The following DESI1 variants were observed in gnomAD, a reference collection of about 807,000 sequenced individuals.
DESI1 encodes the protein PPPDE peptidase domain containing 2.
DESI1 carries 17 observed loss-of-function variants against 22.4 expected under a neutral mutation model. That is an observed-to-expected ratio of 0.76 (90% confidence interval 0.52 to 1.14). The LOEUF (loss-of-function observed/expected upper bound fraction) is 1.14, where lower values mean the gene tolerates loss of function less well. Ranked by LOEUF, DESI1 falls within the 50% of genes most tolerant of loss-of-function variation. The pLI, the probability that DESI1 is intolerant of heterozygous loss-of-function variation, is 0.00. For missense variants in DESI1, 177 were observed against 208.9 expected (o/e 0.85, Z 0.94); for synonymous variants, 92 against 84.2 (o/e 1.09, Z -0.51).
chr22:41,600,956 G>C lies in DESI1; in HGVS notation c.*141C>G, dbSNP rs545369357. The C allele has an allele frequency of 8.1e-6, 6 of 741,936 alleles. No homozygotes were observed. The South Asian group carries it at 1.0e-4, about 12-fold the overall frequency. The allele number at this position is 741,936 out of a possible 1,614,324, so 46.0% of individuals were successfully genotyped here. On this transcript the variant is annotated 3_prime_UTR_variant, in exon 6 of 6. Transcript: ENST00000263256. ...CAGCATTGTCTACATGCGGCCTGAC[G>C]GTCTCCTTCCCTGGGAAATTTAAAA...
chr22:41,601,515 A>C (rs1300645350), intron 5 of DESI1, among the ~76,000 whole-genome samples: 1 of 152,178 alleles, frequency 6.6e-6, no homozygotes, highest in Non-Finnish European at 1.5e-5. Context: ...TCTGTGCTCT[A>C]TGTGCTTGTG....
intron 3 of DESI1, among the ~76,000 whole-genome samples, chr22:41,605,057 GACAGA>G (rs1348100126): frequency 1.3e-5 from 2 of 152,164 alleles, no homozygotes; most frequent in Non-Finnish European, 2.9e-5. Context: ...TCATCATGAG[GACAGA>G]ACAGGACAAC....
chr22:41,620,708 GCCTGGCTCCCGC>G, intron 1 of DESI1, 32 bp downstream of exon 1: 1 of 1,565,916 alleles, frequency 6.4e-7, no homozygotes, highest in Non-Finnish European at 8.7e-7. Flanking sequence ...CCACCCTCTG[GCCTGGCTCCCGC>G]CCTCCTGCCC....
intron 1 of DESI1, among the ~76,000 whole-genome samples, chr22:41,610,080 T>TA (rs71184819): frequency 1.1e-3 from 129 of 115,600 alleles, no homozygotes; most frequent in Middle Eastern, 5.9e-3. Flanking sequence ...AACTCTATCT[T>TA]AAAAAAAAAA....
chr22:41,608,931 C>T (rs986074354), intron 1 of DESI1, among the ~76,000 whole-genome samples: 11 of 152,158 alleles, frequency 7.2e-5, no homozygotes, highest in Non-Finnish European at 1.5e-5. Context: ...CTGCTACCTT[C>T]GCTGTTTGCC....
chr22:41,607,694 C>G, intron 2 of DESI1, 146 bp downstream of exon 2: 4 of 962,740 alleles, frequency 4.2e-6, no homozygotes, highest in Non-Finnish European at 6.4e-6. Context: ...AGCAAAAGAA[C>G]TGATGAGAAG....
At chr22:41,603,095 G>C in intron 5 of DESI1, 164 bp downstream of exon 5, 1 of 1,015,862 alleles carries the variant, frequency 9.8e-7, no homozygotes, top group Non-Finnish European at 1.4e-6. Context: ...ATACAGGTGC[G>C]CATCAGTGGG....
chr22:41,608,767 A>G (rs2067497669), intron 1 of DESI1, among the ~76,000 whole-genome samples: 2 of 152,136 alleles, frequency 1.3e-5, no homozygotes, highest in Non-Finnish European at 2.9e-5. Flanking sequence ...AGAGCAGACC[A>G]AGCAGACCAT....
chr22:41,614,765 A>G (rs1418942245), intron 1 of DESI1, among the ~76,000 whole-genome samples: 1 of 150,896 alleles, frequency 6.6e-6, no homozygotes, highest in Non-Finnish European at 1.5e-5. Context: ...TTGTATTTTT[A>G]GTAGAGATGG....
chr22:41,604,247 T>C (rs1246004880), intron 3 of DESI1, 94 bp from the exon 4 acceptor site: 8 of 774,512 alleles, frequency 1.0e-5, no homozygotes, highest in African/African-American at 1.9e-5. Flanking sequence ...CACTCTGTTC[T>C]GACTTTTTTT....
intron 1 of DESI1, among the ~76,000 whole-genome samples, chr22:41,611,891 CCT>C (rs1337340971): frequency 6.6e-6 from 1 of 152,036 alleles, no homozygotes; most frequent in Non-Finnish European, 1.5e-5. Context: ...GCGCCTGGCC[CCT>C]GTTCCTTTCA....
At chr22:41,609,940 C>T (rs2067506686) in intron 1 of DESI1, among the ~76,000 whole-genome samples, 1 of 150,446 alleles carries the variant, frequency 6.6e-6, no homozygotes. Context: ...ATTAGCCGGG[C>T]ATGGTAGTGC....
At chr22:41,609,591 C>T (rs2067504051) in intron 1 of DESI1, among the ~76,000 whole-genome samples, 1 of 151,000 alleles carries the variant, frequency 6.6e-6, no homozygotes, top group Non-Finnish European at 1.5e-5. Context: ...GCCAGGAGTT[C>T]AAGACCAGCC....
chr22:41,607,725 A>G (rs1011161173), intron 2 of DESI1, 115 bp downstream of exon 2: 1 of 1,246,490 alleles, frequency 8.0e-7, no homozygotes, highest in Non-Finnish European at 1.2e-6. Context: ...GGGCTTGAAG[A>G]TTTATAGCAT....
At chr22:41,616,332 G>A (rs1359687680) in intron 1 of DESI1, among the ~76,000 whole-genome samples, 1 of 152,180 alleles carries the variant, frequency 6.6e-6, no homozygotes, top group African/African-American at 2.4e-5. Flanking sequence ...AAAGAATTGA[G>A]TATAGTGTAA....
At chr22:41,602,321 G>C (rs1381820442) in intron 5 of DESI1, 2 of 985,298 alleles carry the variant, frequency 2.0e-6, no homozygotes, top group Non-Finnish European at 2.4e-6. Context: ...ACTCCAGTTT[G>C]CTCAGGGCCC....
intron 3 of DESI1, among the ~76,000 whole-genome samples, chr22:41,606,471 C>G (rs183869858): frequency 6.6e-6 from 1 of 151,978 alleles, no homozygotes; most frequent in Admixed American, 6.6e-5. Flanking sequence ...ACTTGGATAG[C>G]TGATAGAAAT....
chr22:41,607,221 A>C, intron 3 of DESI1, 41 bp downstream of exon 3: 1 of 1,526,600 alleles, frequency 6.6e-7, no homozygotes, highest in Non-Finnish European at 8.8e-7. Flanking sequence ...AGCCCCCAGG[A>C]ACCTGAGACT....
intron 1 of DESI1, among the ~76,000 whole-genome samples, chr22:41,610,790 T>C (rs2067512323): frequency 6.6e-6 from 1 of 151,858 alleles, no homozygotes; most frequent in African/African-American, 2.4e-5. Flanking sequence ...GAAGAATCAC[T>C]TGAACCCAGG....
Sources: allele counts gnomAD v4.1 joint callset (sites outside exome capture counted in the v4.1 genomes callset), GRCh38; gene constraint gnomAD v4.1.1; transcripts MANE v1.5; gene names NCBI Gene and HGNC (gene_info 2026-07-23, HGNC 2026-07-21).